INPP4B: variants seen among roughly 807,000 people sequenced by gnomAD.
INPP4B encodes the protein inositol polyphosphate-4-phosphatase type II B.
INPP4B carries 55 observed loss-of-function variants against 122.5 expected under a neutral mutation model. The observed-to-expected ratio is 0.45, with a 90% CI of 0.36 to 0.56. The LOEUF (loss-of-function observed/expected upper bound fraction) is 0.56, where lower values mean the gene tolerates loss of function less well. INPP4B is among the 20% of genes least tolerant of loss of function. The pLI is 0.00. For missense variants in INPP4B, 1,000 were observed against 1,097.7 expected (o/e 0.91, Z 1.26); for synonymous variants, 403 against 388.7 (o/e 1.04, Z -0.43).
At chr4:142,299,880 G>A (rs1427900567) in intron 9 of INPP4B, among the ~76,000 whole-genome samples, 1 of 151,976 alleles carries the variant, frequency 6.6e-6, no homozygotes, top group Non-Finnish European at 1.5e-5. Flanking sequence ...AAGGGGCTTG[G>A]ATATGATTTT....
chr4:142,255,075 C>G (rs4529136), intron 11 of INPP4B, among the ~76,000 whole-genome samples: 120,997 of 151,104 alleles, frequency 0.8, 48,880 homozygotes, highest in East Asian at 0.93. Flanking sequence ...AAAGAATTTT[C>G]AACCCAGAAT....
At chr4:142,494,901 G>C (rs982968002) in intron 2 of INPP4B, among the ~76,000 whole-genome samples, 1 of 152,108 alleles carries the variant, frequency 6.6e-6, no homozygotes, top group Non-Finnish European at 1.5e-5. Flanking sequence ...TTAAAACAAT[G>C]TGAGATGAGC....
At chr4:142,093,958 A>G (rs3822139) in intron 23 of INPP4B, among the ~76,000 whole-genome samples, 39,203 of 152,084 alleles carry the variant, frequency 0.26, 5,145 homozygotes, top group East Asian at 0.3. Context: ...AAAATTCTTC[A>G]AAATTTCCTC....
chr4:142,574,795 T>C (rs1733505492), intron 2 of INPP4B, among the ~76,000 whole-genome samples: 1 of 152,064 alleles, frequency 6.6e-6, no homozygotes, highest in Non-Finnish European at 1.5e-5. Context: ...CCTTTGTTTG[T>C]TTGTTTATAC....
chr4:142,092,552 A>G (rs1481506963), intron 23 of INPP4B, among the ~76,000 whole-genome samples: 5 of 152,108 alleles, frequency 3.3e-5, no homozygotes, highest in Admixed American at 3.3e-4. Context: ...AGGCCTCCCA[A>G]AGTGCTGGGA....
Position 142,374,873 on chromosome 4 carries a change from C to T in INPP4B, c.372+28065G>A, listed in dbSNP as rs139778554. Among the ~76,000 whole-genome samples the T allele has an allele frequency of 1.6e-3, 242 of 151,854 alleles. 2 individuals are homozygous for T. Among genetic ancestry groups the T allele is most frequent in the African/African-American group, 5.5e-3 (229 of 41,494 alleles). The stretch of plus-strand genomic sequence containing the variant: ...GGAAGGAACTGTAATGTATATAATA[C>T]TGTAGAAGAAATTTTATAATCTAAA... On this transcript the variant is annotated intron_variant, in intron 7 of 25. Transcript: ENST00000262992.
Position 142,431,437 on chromosome 4 carries a change from G to C in INPP4B, c.-126-52C>G, listed in dbSNP as rs1031913977. The C allele has an allele frequency of 3.9e-5, 23 of 596,080 alleles. No homozygotes were observed. The South Asian group carries it at 3.9e-4, about 10-fold the overall frequency. The allele number at this position is 596,080 out of a possible 1,614,324, so 36.9% of individuals were successfully genotyped here. ...CAGTCATATTGGAGTTCAGTATAAAGCTAAAAAGTAAAGGTAAGTAGAGAC... is the reference window on the plus strand; with the variant it reads ...CAGTCATATTGGAGTTCAGTATAAACCTAAAAAGTAAAGGTAAGTAGAGAC... On this transcript the variant is annotated intron_variant, in intron 3 of 25. Transcript: ENST00000262992.
At chr4:142,553,619 G>T (rs933418949) in intron 2 of INPP4B, among the ~76,000 whole-genome samples, 12 of 152,166 alleles carry the variant, frequency 7.9e-5, no homozygotes, top group Admixed American at 6.5e-4. Flanking sequence ...GTCCATGCTG[G>T]CTTCTAGGGT....
intron 1 of INPP4B, among the ~76,000 whole-genome samples, chr4:142,735,676 G>A (rs1766755499): frequency 6.6e-6 from 1 of 152,070 alleles, no homozygotes; most frequent in South Asian, 2.1e-4. Context: ...CTTTCCACAT[G>A]TGCACCTGTT....
At chr4:142,509,303 T>C (rs1824410804) in intron 2 of INPP4B, among the ~76,000 whole-genome samples, 1 of 152,186 alleles carries the variant, frequency 6.6e-6, no homozygotes. Flanking sequence ...TAGGTATACA[T>C]GTGCTATGGT....
intron 7 of INPP4B, among the ~76,000 whole-genome samples, chr4:142,369,086 C>T (rs913252734): frequency 5.9e-5 from 9 of 151,974 alleles, no homozygotes; most frequent in African/African-American, 1.2e-4. Context: ...AAGTAGGGAA[C>T]ATTAGAATTT....
chr4:142,592,085 C>T (rs965095023), intron 2 of INPP4B, among the ~76,000 whole-genome samples: 4 of 152,144 alleles, frequency 2.6e-5, no homozygotes, highest in African/African-American at 9.7e-5. Context: ...TAGGGGAAGG[C>T]TTATATGAGA....
chr4:142,454,640 A>C lies in INPP4B; in HGVS notation c.-127+8023T>G, dbSNP rs377166679. 2.2e-4 allele frequency among the ~76,000 whole-genome samples: 33 copies of C among 152,192 alleles called. No homozygotes were observed. The South Asian group carries it at 5.8e-3, about 27-fold the overall frequency. Reference sequence around the variant, plus strand: ...AATTCAACATGAGAGAGGTACAGCAAAGTGGTTGGGACCAATTATGGATCC... The same window carrying C: ...AATTCAACATGAGAGAGGTACAGCACAGTGGTTGGGACCAATTATGGATCC... On this transcript the variant is annotated intron_variant, in intron 3 of 25. Coordinates refer to ENST00000262992, the MANE Select transcript of INPP4B (RefSeq NM_001101669.3).
At chr4:142,833,368 T>C (rs1782402131) in intron 1 of INPP4B, among the ~76,000 whole-genome samples, 1 of 152,096 alleles carries the variant, frequency 6.6e-6, no homozygotes, top group Admixed American at 6.6e-5. Flanking sequence ...CTATTAAATA[T>C]GCTCAGCCAC....
chr4:142,523,649 T>C (rs2149938505), intron 2 of INPP4B, among the ~76,000 whole-genome samples: 1 of 152,236 alleles, frequency 6.6e-6, no homozygotes, highest in East Asian at 1.9e-4. Flanking sequence ...AATAAAAGTA[T>C]GTATTATTTT....
chr4:142,300,478 C>CA (rs370749845), intron 9 of INPP4B, among the ~76,000 whole-genome samples: 374 of 151,930 alleles, frequency 2.5e-3, no homozygotes, highest in African/African-American at 8.7e-3. Context: ...ACCAAAATGC[C>CA]AAAAAATAAA....
intron 23 of INPP4B, among the ~76,000 whole-genome samples, chr4:142,086,788 T>C (rs768811113): frequency 2.6e-5 from 4 of 152,220 alleles, no homozygotes; most frequent in Non-Finnish European, 5.9e-5. Flanking sequence ...TCTGTATAAC[T>C]ATGGTAATAT....
intron 25 of INPP4B, among the ~76,000 whole-genome samples, chr4:142,070,962 T>C (rs983031564): frequency 6.6e-6 from 1 of 152,178 alleles, no homozygotes; most frequent in Non-Finnish European, 1.5e-5. Flanking sequence ...CCAATGACTT[T>C]CTTCACAGAA....
At chr4:142,366,959 A>C (rs1349446174) in intron 7 of INPP4B, among the ~76,000 whole-genome samples, 1 of 152,144 alleles carries the variant, frequency 6.6e-6, no homozygotes, top group Non-Finnish European at 1.5e-5. Context: ...GGATGCAAGA[A>C]GTGCTAGTGA....
Sources: gnomAD v4.1 joint callset for allele counts (sites outside exome capture counted in the v4.1 genomes callset) on GRCh38, gnomAD v4.1.1 for gene constraint, MANE v1.5 for transcripts, NCBI Gene and HGNC (gene_info 2026-07-23, HGNC 2026-07-21) for gene names.